The following MRS2 variants were observed in gnomAD, a reference collection of about 807,000 sequenced individuals.
MRS2 encodes the protein magnesium transporter MRS2, also known as magnesium transporter MRS2 homolog, mitochondrial.
A neutral mutation model predicts 52.6 loss-of-function variants in MRS2; 40 were observed. That is an observed-to-expected ratio of 0.76 (90% CI 0.59 to 0.99). The LOEUF is 0.99. Ranked by LOEUF, MRS2 falls within the 50% of genes least tolerant of loss-of-function variation. The pLI is 0.00. For missense variants in MRS2, 472 were observed against 532.7 expected (o/e 0.89, Z 1.12); for synonymous variants, 193 against 195.9 (o/e 0.98, Z 0.13).
chr6:24,424,922 T>A lies in MRS2; in HGVS notation c.*1228T>A, dbSNP rs1762177529. On this transcript the variant is annotated 3_prime_UTR_variant, in exon 11 of 11. Coordinates refer to ENST00000378386, the MANE Select transcript of MRS2 (RefSeq NM_020662.4). Reference sequence around the variant, plus strand: ...CGTCGCTGATTTGGAAGAAAACCGATGAAGTACAAGTAAGGTTTCCCCACT... The same window carrying A: ...CGTCGCTGATTTGGAAGAAAACCGAAGAAGTACAAGTAAGGTTTCCCCACT... 1.3e-5 allele frequency: 2 copies of A among 151,704 alleles called. No individual in the cohort carries two copies. Among genetic ancestry groups the A allele is most frequent in the South Asian group, 4.2e-4 (2 of 4,804 alleles). 9.4% of individuals were successfully genotyped at this position (151,704 alleles called of 1,614,324 possible). A position where few individuals can be genotyped will look rare whatever the true frequency, so the allele number is the denominator to read the frequency against.
rs1368850442 is a variant in MRS2 at position 24,418,528 on chromosome 6, G to A, written c.1057G>A (p.Gly353Arg). 6.2e-7 allele frequency: 1 copy of A among 1,613,984 alleles called. No individual in the cohort carries two copies. The highest frequency in any genetic ancestry group is 8.5e-7 in the Non-Finnish European group (1 of 1,179,976). Residue 353 changes from glycine (G) to arginine (R), a missense_variant, in exon 9 of 11, where the codon GGA becomes AGA. Coordinates refer to ENST00000378386, the MANE Select transcript of MRS2 (RefSeq NM_020662.4). Reference sequence around the variant, plus strand: ...GGGAACCTTCTCTCTTTCGCTCTTTGGACTAATGGGAGTTGCTTTTGGAAT... The same window carrying A: ...GGGAACCTTCTCTCTTTCGCTCTTTAGACTAATGGGAGTTGCTTTTGGAAT... ...TMGTFSLSLF[G>R]LMGVAFGMNL...
chr6:24,419,493 T>C (rs960081786), intron 9 of MRS2, among the ~76,000 whole-genome samples: 1 of 152,226 alleles, frequency 6.6e-6, no homozygotes, highest in Non-Finnish European at 1.5e-5. Flanking sequence ...ACCAGGCGGT[T>C]TGCATACTTT....
At chr6:24,423,545 T>TA (rs753221602) in intron 10 of MRS2, 39 bp from the exon 11 acceptor site, 50 of 1,242,334 alleles carry the variant, frequency 4.0e-5, no homozygotes, top group Non-Finnish European at 5.4e-5. Flanking sequence ...GCTTTTCTTT[T>TA]AAAAAAGATA....
intron 4 of MRS2, chr6:24,410,760 A>G (rs1415158382): frequency 6.5e-7 from 1 of 1,531,926 alleles, no homozygotes; most frequent in Non-Finnish European, 8.7e-7. Flanking sequence ...AGTAGCTAGC[A>G]TTCTTCAAAA....
intron 9 of MRS2, among the ~76,000 whole-genome samples, chr6:24,421,927 T>C (rs1402922144): frequency 2.6e-5 from 4 of 152,126 alleles, no homozygotes; most frequent in Non-Finnish European, 5.9e-5. Context: ...GGTGGGCAGA[T>C]CACTTTAGGC....
intron 7 of MRS2, among the ~76,000 whole-genome samples, chr6:24,417,075 G>A (rs1246038701): frequency 1.3e-5 from 2 of 152,178 alleles, no homozygotes; most frequent in African/African-American, 2.4e-5. Context: ...AATGAGTTTA[G>A]TTTCCACAGT....
Position 24,424,958 on chromosome 6 carries a change from G to A in MRS2, c.*1264G>A, listed in dbSNP as rs541448237. ...TAAGGTTTCCCCACTCCTGTGTGTG[G>A]TCATGGGAAGCCATTAGAGGGAAGC... On this transcript the variant is annotated 3_prime_UTR_variant, in exon 11 of 11. Transcript: ENST00000378386. 17 of 152,092 alleles carry A rather than the reference G, an allele frequency of 1.1e-4. No individual in the cohort carries two copies. The highest frequency in any genetic ancestry group is 3.6e-4 in the African/African-American group (15 of 41,518). The allele number at this position is 152,092 out of a possible 1,614,324, so 9.4% of individuals were successfully genotyped here.
At chr6:24,410,524 A>T (rs895736869) in intron 4 of MRS2, among the ~76,000 whole-genome samples, 1 of 152,156 alleles carries the variant, frequency 6.6e-6, no homozygotes, top group African/African-American at 2.4e-5. Context: ...GAACTAATCA[A>T]AATAATAAAA....
chr6:24,405,936 T>C (rs1019927631), intron 2 of MRS2, among the ~76,000 whole-genome samples: 1 of 151,674 alleles, frequency 6.6e-6, no homozygotes, highest in African/African-American at 2.4e-5. Context: ...AAACCCCATC[T>C]CTACTAAAAA....
In MRS2 at chr6:24,424,034, A is replaced by G. The variant is rs905645877; in HGVS notation, c.*340A>G. On this transcript the variant is annotated 3_prime_UTR_variant, in exon 11 of 11. Transcript: ENST00000378386. ...TGCAATTTCATGCTGAATGAAGCGT[A>G]GGAACTTGACAAGCCCATAGGTAGC... 21 of 163,978 alleles carry G rather than the reference A, an allele frequency of 1.3e-4. No individual in the cohort carries two copies. Among genetic ancestry groups the G allele is most frequent in the Non-Finnish European group, 1.6e-4 (12 of 74,882 alleles). 10.2% of individuals were successfully genotyped at this position (163,978 alleles called of 1,614,324 possible). A position where few individuals can be genotyped will look rare whatever the true frequency, so the allele number is the denominator to read the frequency against.
intron 4 of MRS2, among the ~76,000 whole-genome samples, chr6:24,411,974 ATTT>A (rs1204801190): frequency 1.4e-5 from 2 of 145,872 alleles, no homozygotes; most frequent in Non-Finnish European, 3.0e-5. Context: ...CAAGACATAT[ATTT>A]TTTAAGTTTC....
At chr6:24,418,938 T>C (rs1463352415) in intron 9 of MRS2, 1 of 170,990 alleles carries the variant, frequency 5.8e-6, no homozygotes, top group Non-Finnish European at 1.3e-5. Flanking sequence ...ATATTTTTAA[T>C]GGATTTAAAA....
chr6:24,413,721 T>TG (rs1274887500), intron 5 of MRS2, among the ~76,000 whole-genome samples: 1 of 152,248 alleles, frequency 6.6e-6, no homozygotes, highest in African/African-American at 2.4e-5. Flanking sequence ...ACTGTGACTC[T>TG]GGACTTGTTT....
intron 4 of MRS2, 31 bp downstream of exon 4, chr6:24,409,604 C>T: frequency 7.5e-7 from 1 of 1,328,596 alleles, no homozygotes; most frequent in South Asian, 1.3e-5. Context: ...CTATGTTTCT[C>T]CAATACAATC....
intron 5 of MRS2, among the ~76,000 whole-genome samples, chr6:24,413,797 C>G (rs1190080419): frequency 6.6e-6 from 1 of 152,206 alleles, no homozygotes; most frequent in South Asian, 2.1e-4. Flanking sequence ...CTGTAATTTA[C>G]GTCATCAGTT....
intron 3 of MRS2, 95 bp from the exon 4 acceptor site, chr6:24,409,366 A>T (rs150054307): frequency 3.6e-4 from 228 of 630,654 alleles, no homozygotes; most frequent in Admixed American, 5.4e-4. Flanking sequence ...AGTAACCAAA[A>T]ATTGTCTTGA....
At chr6:24,414,734 G>A (rs1761786214) in intron 5 of MRS2, among the ~76,000 whole-genome samples, 1 of 152,162 alleles carries the variant, frequency 6.6e-6, no homozygotes, top group Admixed American at 6.5e-5. Flanking sequence ...GCCGGGCAGA[G>A]GTGCCCCTCA....
Position 24,424,055 on chromosome 6 carries a change from G to A in MRS2, c.*361G>A, listed in dbSNP as rs1228705834. On this transcript the variant is annotated 3_prime_UTR_variant, in exon 11 of 11. Coordinates refer to ENST00000378386, the MANE Select transcript of MRS2 (RefSeq NM_020662.4). ...GCGTAGGAACTTGACAAGCCCATAG[G>A]TAGCTATAGTTCTTTGTCAGTATAG... The A allele has an allele frequency of 1.3e-5, 2 of 159,010 alleles. No homozygotes were observed. Among genetic ancestry groups the A allele is most frequent in the Non-Finnish European group, 2.8e-5 (2 of 72,174 alleles). The allele number at this position is 159,010 out of a possible 1,614,324, so 9.8% of individuals were successfully genotyped here.
chr6:24,418,621 G>A (rs779871544), intron 9 of MRS2, 43 bp downstream of exon 9: 5 of 1,446,092 alleles, frequency 3.5e-6, no homozygotes, highest in African/African-American at 1.4e-5. Context: ...GGTTTTGGCC[G>A]GGCATGGTGG....
Sources: gnomAD v4.1 joint callset for allele counts (sites outside exome capture counted in the v4.1 genomes callset) on GRCh38, gnomAD v4.1.1 for gene constraint, MANE v1.5 for transcripts, NCBI Gene and HGNC (gene_info 2026-07-23, HGNC 2026-07-21) for gene names.